FERRY3: variants seen among roughly 807,000 people sequenced by gnomAD.
FERRY3 encodes the protein protein C12orf4.
the FERRY3 span, chr12:4,489,925 C>A: frequency 7.2e-7 from 1 of 1,382,204 alleles, no homozygotes; most frequent in Non-Finnish European, 1.0e-6. Flanking sequence ...ATAATAATTG[C>A]ACTTGTTAAA....
chr12:4,498,385 A>G, the FERRY3 span, among the ~76,000 whole-genome samples: 2 of 152,352 alleles, frequency 1.3e-5, no homozygotes. Flanking sequence ...AACAATAGCT[A>G]AAAATTCCTG....
At chr12:4,536,881 T>C in the FERRY3 span, among the ~76,000 whole-genome samples, 2 of 152,210 alleles carry the variant, frequency 1.3e-5, no homozygotes, top group Non-Finnish European at 1.5e-5. Flanking sequence ...GGCTAGGCTT[T>C]CTCCCATCAA....
At chr12:4,494,639 T>C in the FERRY3 span, among the ~76,000 whole-genome samples, 2 of 152,268 alleles carry the variant, frequency 1.3e-5, no homozygotes, top group East Asian at 1.9e-4. Context: ...TGACCATATA[T>C]GTATGGATTT....
At chr12:4,524,578 C>T in the FERRY3 span, among the ~76,000 whole-genome samples, 1 of 151,794 alleles carries the variant, frequency 6.6e-6, no homozygotes, top group African/African-American at 2.4e-5. Context: ...ATATTTATAG[C>T]ATACACTGGC....
chr12:4,502,481 T>A, the FERRY3 span: 6 of 438,818 alleles, frequency 1.4e-5, no homozygotes, highest in Non-Finnish European at 2.7e-5. The surrounding 1 kb of genome is among the most constrained non-coding windows in gnomAD (Gnocchi z 4.2). Flanking sequence ...TTTCTGTAGT[T>A]CCTATCAATA....
the FERRY3 span, chr12:4,534,156 C>A: frequency 1.3e-6 from 2 of 1,561,358 alleles, no homozygotes; most frequent in Non-Finnish European, 8.7e-7. Flanking sequence ...TATTTTCTTA[C>A]CTCAGCATAA....
chr12:4,538,303 A>G, the FERRY3 span: 1 of 153,230 alleles, frequency 6.5e-6, no homozygotes, highest in Admixed American at 6.5e-5. Context: ...ATCAGGGAAA[A>G]GGAAGACAGA....
the FERRY3 span, chr12:4,536,237 GGTTAT>G: frequency 2.2e-6 from 3 of 1,348,842 alleles, no homozygotes; most frequent in Non-Finnish European, 3.0e-6. Context: ...AAAAGCAGTA[GGTTAT>G]AAGTCCATAA....
At chr12:4,515,979 A>G in the FERRY3 span, among the ~76,000 whole-genome samples, 2 of 152,282 alleles carry the variant, frequency 1.3e-5, no homozygotes, top group East Asian at 3.9e-4. Context: ...TTTCCTGTAA[A>G]TTTCCTAAAT....
At chr12:4,499,762 G>A in the FERRY3 span, among the ~76,000 whole-genome samples, 16 of 152,032 alleles carry the variant, frequency 1.1e-4, no homozygotes, top group Admixed American at 9.2e-4. Context: ...CTATGTGTAT[G>A]TAAATCTAAT....
At chr12:4,533,466 C>T in the FERRY3 span, among the ~76,000 whole-genome samples, 1 of 152,208 alleles carries the variant, frequency 6.6e-6, no homozygotes, top group Non-Finnish European at 1.5e-5. Flanking sequence ...GATCTTGCCA[C>T]AGACAAGATT....
chr12:4,517,116 T>C, the FERRY3 span: 8 of 1,598,910 alleles, frequency 5.0e-6, 1 homozygote, highest in South Asian at 5.7e-5. Flanking sequence ...GTACCACCTG[T>C]TGGACAACTT....
At chr12:4,516,871 G>GA in the FERRY3 span, among the ~76,000 whole-genome samples, 5 of 151,354 alleles carry the variant, frequency 3.3e-5, no homozygotes, top group African/African-American at 1.2e-4. Context: ...AAAGTTGAAG[G>GA]AAAAAAAACC....
At chr12:4,515,203 A>G in the FERRY3 span, among the ~76,000 whole-genome samples, 1 of 152,218 alleles carries the variant, frequency 6.6e-6, no homozygotes, top group Non-Finnish European at 1.5e-5. Flanking sequence ...TCCTATGTGT[A>G]GATAGAAAGC....
At chr12:4,515,653 G>T in the FERRY3 span, among the ~76,000 whole-genome samples, 48 of 152,172 alleles carry the variant, frequency 3.2e-4, no homozygotes, top group Admixed American at 1.6e-3. Context: ...GGGCTGGGGC[G>T]GGGGGAAATG....
At chr12:4,519,360 A>G in the FERRY3 span, among the ~76,000 whole-genome samples, 1 of 152,220 alleles carries the variant, frequency 6.6e-6, no homozygotes, top group East Asian at 1.9e-4. The surrounding 1 kb of genome is among the most constrained non-coding windows in gnomAD (Gnocchi z 4.3). Context: ...CTTTACTTTT[A>G]CCATTTCTTG....
At chr12:4,502,733 T>G in the FERRY3 span, among the ~76,000 whole-genome samples, 1 of 152,208 alleles carries the variant, frequency 6.6e-6, no homozygotes, top group Non-Finnish European at 1.5e-5. The surrounding 1 kb of genome is among the most constrained non-coding windows in gnomAD (Gnocchi z 4.2). Context: ...CATTTCTAGT[T>G]GCCGCTGTGC....
the FERRY3 span, chr12:4,529,928 A>T: frequency 6.2e-7 from 1 of 1,613,364 alleles, no homozygotes; most frequent in Non-Finnish European, 8.5e-7. Context: ...AGATACTAAC[A>T]AAGTAATTAT....
At chr12:4,533,255 C>A in the FERRY3 span, among the ~76,000 whole-genome samples, 1 of 152,108 alleles carries the variant, frequency 6.6e-6, no homozygotes. Flanking sequence ...GGATTCTATC[C>A]CTTCTAGTCC....
Sources: allele counts gnomAD v4.1 joint callset (sites outside exome capture counted in the v4.1 genomes callset), GRCh38; gene constraint gnomAD v4.1.1; non-coding constraint Gnocchi (gnomAD v3.1); transcripts MANE v1.5; gene names NCBI Gene and HGNC (gene_info 2026-07-23, HGNC 2026-07-21).